PWWP2A: variants seen among roughly 807,000 people sequenced by gnomAD.
PWWP2A encodes the protein PWWP domain-containing protein 2A.
A neutral mutation model predicts 48.5 loss-of-function variants in PWWP2A; 18 were observed. The ratio of observed to expected loss-of-function variants is 0.37; its 90% CI spans 0.26 to 0.55. PWWP2A has a LOEUF of 0.55. Ranked by LOEUF, PWWP2A falls within the 20% of genes least tolerant of loss-of-function variation. The pLI is 0.81. For missense variants in PWWP2A, 867 were observed against 976.4 expected, an observed-to-expected ratio of 0.89 and a Z score of 1.49; for synonymous variants, 396 against 387.7, an observed-to-expected ratio of 1.02 and a Z score of -0.25.
intron 1 of PWWP2A, among the ~76,000 whole-genome samples, chr5:160,100,471 C>A (rs779218306): frequency 2.6e-4 from 40 of 151,538 alleles, no homozygotes; most frequent in Non-Finnish European, 3.8e-4. Flanking sequence ...AAAAACAAAA[C>A]AAAAAAAGGC....
At chr5:160,050,222 C>T in the PWWP2A span, among the ~76,000 whole-genome samples, 74 of 152,014 alleles carry the variant, frequency 4.9e-4, no homozygotes, top group East Asian at 1.4e-3. Flanking sequence ...CCGAGGAGGG[C>T]GGATCACCTG....
chr5:160,053,781 A>G, the PWWP2A span, among the ~76,000 whole-genome samples: 1 of 152,148 alleles, frequency 6.6e-6, no homozygotes, highest in Non-Finnish European at 1.5e-5. Context: ...TTTTATTTAG[A>G]TGTGTTCAGT....
At chr5:160,073,989 CA>C (rs1339402067), downstream of PWWP2A, among the ~76,000 whole-genome samples, 1 of 150,764 alleles carries the variant, frequency 6.6e-6, no homozygotes, top group Non-Finnish European at 1.5e-5. Context: ...CTCTTGAACC[CA>C]GGGGGCAGAG....
At chr5:160,115,328 A>C (rs1007417263) in intron 1 of PWWP2A, among the ~76,000 whole-genome samples, 4 of 151,966 alleles carry the variant, frequency 2.6e-5, no homozygotes, top group African/African-American at 4.8e-5. Flanking sequence ...GGCCAAAATC[A>C]GAGGATCGCT....
chr5:160,071,558 G>C (rs1753739366), downstream of PWWP2A, among the ~76,000 whole-genome samples: 1 of 152,162 alleles, frequency 6.6e-6, no homozygotes, highest in Non-Finnish European at 1.5e-5. Context: ...TTAATCTTGG[G>C]AAAGATCTTT....
chr5:160,044,969 T>A, the PWWP2A span, among the ~76,000 whole-genome samples: 3 of 152,186 alleles, frequency 2.0e-5, no homozygotes, highest in Non-Finnish European at 2.9e-5. Context: ...CTTTCTATAT[T>A]ATAATATAGA....
At chr5:160,073,941 T>C (rs1753804801), downstream of PWWP2A, among the ~76,000 whole-genome samples, 1 of 151,578 alleles carries the variant, frequency 6.6e-6, no homozygotes, top group South Asian at 2.1e-4. Context: ...GGTAAGCACC[T>C]GTAATCCCAA....
At chr5:160,103,498 T>A (rs536480387) in intron 1 of PWWP2A, among the ~76,000 whole-genome samples, 1 of 152,158 alleles carries the variant, frequency 6.6e-6, no homozygotes, top group East Asian at 1.9e-4. Flanking sequence ...CTTCAGTAGG[T>A]GAGACCAGAA....
chr5:160,048,149 T>C, the PWWP2A span, among the ~76,000 whole-genome samples: 4 of 136,516 alleles, frequency 2.9e-5, no homozygotes, highest in East Asian at 8.5e-4. Context: ...TTTTTTTTTT[T>C]TTTTTTTTTT....
At position 160,077,959 on chromosome 5, in the gene PWWP2A, A is replaced by G. The variant is rs1159933577; in HGVS notation, c.*196T>C. The G allele has an allele frequency of 4.1e-6, 2 of 493,824 alleles. No individual in the cohort carries two copies. Among genetic ancestry groups the G allele is most frequent in the African/African-American group, 3.8e-5 (2 of 52,010 alleles). The allele number at this position is 493,824 out of a possible 1,614,324, so 30.6% of individuals were successfully genotyped here. ...ATAATTTATTGCAAGTTTATTTTTT[A>G]TAAAATATTCCCTAATACCTTTTCT... is the stretch of plus-strand genomic sequence containing the variant. On this transcript the variant is annotated 3_prime_UTR_variant, in exon 4 of 4. Coordinates refer to the PWWP2A transcript ENST00000456329. The surrounding 1 kb of genome is among the most constrained non-coding windows in gnomAD (Gnocchi z 4.2).
At chr5:160,105,239 CAAAAAAA>C (rs70990704) in intron 1 of PWWP2A, among the ~76,000 whole-genome samples, 4 of 48,944 alleles carry the variant, frequency 8.2e-5, no homozygotes, top group South Asian at 1.0e-3. Flanking sequence ...GTCTCTAAGG[CAAAAAAA>C]AAAAAAAAAA....
intron 1 of PWWP2A, among the ~76,000 whole-genome samples, chr5:160,114,140 T>C (rs1198697756): frequency 6.6e-6 from 1 of 152,214 alleles, no homozygotes; most frequent in Non-Finnish European, 1.5e-5. Flanking sequence ...CTGATGAATA[T>C]GGCCTTAGTA....
rs1223405752 is a variant in PWWP2A at position 160,093,373 on chromosome 5, G to A, written c.1277C>T (p.Ala426Val). ...KVLQSKNMDH[A>V]KAREVLKIAK... ...AATTTTTAACACTTCCCGAGCTTTC[G>A]CATGATCCATGTTCTTACTCTGGAG... The change falls in exon 2 of 2, where the codon GCG (alanine) becomes GTG (valine). Residue 426 changes from alanine to valine, a missense_variant. Physicochemically the swap from Ala to Val is moderately conservative, Grantham distance 64. Coordinates refer to ENST00000307063, the MANE Select transcript of PWWP2A (RefSeq NM_001130864.2). The surrounding 1 kb of genome is among the most constrained non-coding windows in gnomAD (Gnocchi z 5.8). 5 of 1,613,806 alleles carry A rather than the reference G, an allele frequency of 3.1e-6. No homozygotes were observed. Among genetic ancestry groups the A allele is most frequent in the Non-Finnish European group, 3.4e-6 (4 of 1,179,804 alleles).
At chr5:160,097,860 C>T (rs371504777) in intron 1 of PWWP2A, among the ~76,000 whole-genome samples, 282 of 151,644 alleles carry the variant, frequency 1.9e-3, no homozygotes, top group African/African-American at 6.3e-3. Flanking sequence ...GGATTACAGA[C>T]GCGAGCCATC....
downstream of PWWP2A, among the ~76,000 whole-genome samples, chr5:160,073,146 C>T (rs537354098): frequency 6.6e-6 from 1 of 151,644 alleles, no homozygotes; most frequent in Non-Finnish European, 1.5e-5. Flanking sequence ...ACTTTGCTGT[C>T]AAAGGTCATT....
rs967962827 is a variant in PWWP2A at position 160,077,022 on chromosome 5, CAT to C, written c.*1131_*1132del. On this transcript the variant is annotated 3_prime_UTR_variant, in exon 4 of 4. Transcript: ENST00000456329. This position sits in a 1 kb window ranked among gnomAD's most constrained non-coding sequence, Gnocchi z 4.2. ...TACTAACAGGTCCATCTGGTTTTCT[CAT>C]GTTTTCTCCATTCATTAAAAAAGAA... 9.3e-4 allele frequency: 142 copies of C among 152,192 alleles called. 1 individual carries two copies. Among genetic ancestry groups the C allele is most frequent in the African/African-American group, 3.4e-3 (140 of 41,512 alleles). The allele number at this position is 152,192 out of a possible 1,614,324, so 9.4% of individuals were successfully genotyped here. A position where few individuals can be genotyped will look rare whatever the true frequency, so the allele number is the denominator to read the frequency against.
chr5:160,116,749 C>T (rs1247263132), intron 1 of PWWP2A: 3 of 985,236 alleles, frequency 3.0e-6, no homozygotes, highest in Non-Finnish European at 3.6e-6. Context: ...CTGGCCATCT[C>T]TTCTGTTTCA....
intron 1 of PWWP2A, among the ~76,000 whole-genome samples, chr5:160,103,898 G>T (rs1756567236): frequency 6.6e-6 from 1 of 151,612 alleles, no homozygotes; most frequent in Admixed American, 6.6e-5. Flanking sequence ...GAGGTGGGTG[G>T]ATCACTTGAG....
rs562293325 is a variant in PWWP2A at position 160,115,269 on chromosome 5, T to C, written c.584+3536A>G. ...TCAAGGTTTCATTTGGATGAAAATATAGCTGGCTGGCTGCAATGGCTTATG... is the reference window on the plus strand; with the variant it reads ...TCAAGGTTTCATTTGGATGAAAATACAGCTGGCTGGCTGCAATGGCTTATG... On this transcript the variant is annotated intron_variant, in intron 1 of 1. Transcript: ENST00000307063. Among the ~76,000 whole-genome samples the C allele has an allele frequency of 4.0e-5, 6 of 150,970 alleles. No homozygotes were observed. The East Asian group carries it at 9.8e-4, about 25-fold the overall frequency.
Sources: gnomAD v4.1 joint callset for allele counts (sites outside exome capture counted in the v4.1 genomes callset) on GRCh38, gnomAD v4.1.1 for gene constraint, Gnocchi (gnomAD v3.1) non-coding constraint, MANE v1.5 for transcripts, NCBI Gene and HGNC (gene_info 2026-07-23, HGNC 2026-07-21) for gene names.